RBMS3: variants seen among roughly 807,000 people sequenced by gnomAD.
RBMS3 encodes RNA binding motif single stranded interacting protein 3.
A neutral mutation model predicts 66.8 loss-of-function variants in RBMS3; 27 were observed. The ratio of observed to expected loss-of-function variants is 0.40; its 90% CI spans 0.30 to 0.56. The LOEUF (loss-of-function observed/expected upper bound fraction) is 0.56. Ranked by LOEUF, RBMS3 falls within the 20% of genes least tolerant of loss-of-function variation. The pLI is 0.40. For missense variants in RBMS3, 513 were observed against 549.5 expected, an observed-to-expected ratio of 0.93 and a Z score of 0.66; for synonymous variants, 188 against 183.0, an observed-to-expected ratio of 1.03 and a Z score of -0.22.
intron 1 of RBMS3, among the ~76,000 whole-genome samples, chr3:29,432,163 C>T (rs936491337): frequency 1.1e-4 from 17 of 152,114 alleles, no homozygotes; most frequent in African/African-American, 4.1e-4. Flanking sequence ...AATGGGAATT[C>T]AGAGAAAAGG....
At chr3:29,325,873 C>T (rs374157209) in intron 1 of RBMS3, among the ~76,000 whole-genome samples, 24 of 152,180 alleles carry the variant, frequency 1.6e-4, no homozygotes, top group African/African-American at 5.5e-4. Flanking sequence ...ATCAGGTTGC[C>T]TGGGCTATTA....
chr3:29,395,494 A>G (rs1421537141), intron 1 of RBMS3, among the ~76,000 whole-genome samples: 1 of 152,196 alleles, frequency 6.6e-6, no homozygotes, highest in East Asian at 1.9e-4. Context: ...GAGTTAGTGT[A>G]TGCCAAAATG....
chr3:29,787,819 AC>A (rs1479527094), intron 6 of RBMS3, among the ~76,000 whole-genome samples: 9 of 152,154 alleles, frequency 5.9e-5, no homozygotes, highest in Non-Finnish European at 8.8e-5. Flanking sequence ...ACCATCTGTT[AC>A]CCCAAAACCT....
chr3:29,587,855 T>G (rs1284520107), intron 4 of RBMS3, among the ~76,000 whole-genome samples: 1 of 152,030 alleles, frequency 6.6e-6, no homozygotes, highest in East Asian at 1.9e-4. Context: ...GAATATGTAT[T>G]CTAGAACCTT....
chr3:29,509,049 T>G (rs2044293664), intron 3 of RBMS3, among the ~76,000 whole-genome samples: 1 of 150,090 alleles, frequency 6.7e-6, no homozygotes. Context: ...TGGGGTTGGT[T>G]TTTTTTTTTG....
intron 3 of RBMS3, among the ~76,000 whole-genome samples, chr3:29,584,605 T>G (rs1032194197): frequency 6.6e-6 from 1 of 152,104 alleles, no homozygotes; most frequent in Non-Finnish European, 1.5e-5. Context: ...GTCTTCCCAT[T>G]TCAATAAATT....
intron 1 of RBMS3, among the ~76,000 whole-genome samples, chr3:29,428,643 A>T (rs2041057207): frequency 6.6e-6 from 1 of 152,174 alleles, no homozygotes; most frequent in Non-Finnish European, 1.5e-5. Flanking sequence ...CACAGATTTT[A>T]CAAATGTAGG....
chr3:29,346,685 G>T (rs773423241), intron 1 of RBMS3, among the ~76,000 whole-genome samples: 37 of 152,110 alleles, frequency 2.4e-4, no homozygotes, highest in Non-Finnish European at 4.4e-4. Flanking sequence ...GAGCCACCGC[G>T]CCTGGCCAGC....
At chr3:29,580,472 A>G (rs1166307469) in intron 3 of RBMS3, among the ~76,000 whole-genome samples, 5 of 152,120 alleles carry the variant, frequency 3.3e-5, no homozygotes, top group African/African-American at 1.2e-4. Flanking sequence ...TAAGCCATAC[A>G]TACTATACGG....
At chr3:29,970,654 T>C (rs1032597629) in intron 12 of RBMS3, among the ~76,000 whole-genome samples, 1 of 152,196 alleles carries the variant, frequency 6.6e-6, no homozygotes, top group East Asian at 1.9e-4. Context: ...CTCAATCCCA[T>C]ACCCTTTAGA....
intron 4 of RBMS3, among the ~76,000 whole-genome samples, chr3:29,639,595 G>A (rs2049615001): frequency 7.5e-6 from 1 of 134,152 alleles, no homozygotes; most frequent in Admixed American, 7.5e-5. Context: ...AAGATAGACA[G>A]AGAGAGAGAG....
intron 1 of RBMS3, among the ~76,000 whole-genome samples, chr3:29,416,732 G>A (rs1046583209): frequency 6.6e-5 from 10 of 152,056 alleles, no homozygotes; most frequent in Admixed American, 1.3e-4. Context: ...TGGCAGGAAC[G>A]TGCTGGGCCA....
At chr3:29,739,327 G>T (rs1419272510) in intron 4 of RBMS3, among the ~76,000 whole-genome samples, 1 of 151,872 alleles carries the variant, frequency 6.6e-6, no homozygotes, top group Non-Finnish European at 1.5e-5. Flanking sequence ...GTGGTGGCGG[G>T]CGCCTGTAGT....
At chr3:29,423,451 C>T (rs1258753780) in intron 1 of RBMS3, among the ~76,000 whole-genome samples, 1 of 152,102 alleles carries the variant, frequency 6.6e-6, no homozygotes, top group Non-Finnish European at 1.5e-5. Flanking sequence ...AAAATATAAA[C>T]CTACTTCTTG....
intron 1 of RBMS3, among the ~76,000 whole-genome samples, chr3:29,317,970 TA>T (rs1248315331): frequency 4.0e-5 from 6 of 151,752 alleles, no homozygotes; most frequent in Non-Finnish European, 8.8e-5. Context: ...TATTTTATCT[TA>T]GTTAATTTTT....
intron 10 of RBMS3, among the ~76,000 whole-genome samples, chr3:29,922,896 T>C (rs1363152708): frequency 6.6e-6 from 1 of 152,226 alleles, no homozygotes; most frequent in Non-Finnish European, 1.5e-5. Flanking sequence ...AAGCTGGCGG[T>C]GTAAACATTT....
chr3:29,637,495 T>C lies in RBMS3; in HGVS notation c.399+50290T>C, dbSNP rs1239761080. On this transcript the variant is annotated intron_variant, in intron 4 of 14. Coordinates refer to ENST00000383767, the MANE Select transcript of RBMS3 (RefSeq NM_001003793.3). Reference sequence around the variant, plus strand: ...CTATAACTTGATGCTTCTAAAATAGTCTGATTACAAGACATATGAGCTTAT... The same window carrying C: ...CTATAACTTGATGCTTCTAAAATAGCCTGATTACAAGACATATGAGCTTAT... Among the ~76,000 whole-genome samples, 3 of 151,860 alleles carry C rather than the reference T, an allele frequency of 2.0e-5. No individual in the cohort carries two copies. The South Asian group carries it at 6.2e-4, about 31-fold the overall frequency.
intron 12 of RBMS3, among the ~76,000 whole-genome samples, chr3:29,965,629 T>C (rs907856285): frequency 2.0e-5 from 3 of 152,094 alleles, no homozygotes; most frequent in Non-Finnish European, 4.4e-5. Context: ...TGGATATCGG[T>C]CCTTTGTCAG....
intron 4 of RBMS3, among the ~76,000 whole-genome samples, chr3:29,630,854 C>A (rs1559522571): frequency 6.6e-6 from 1 of 151,872 alleles, no homozygotes; most frequent in African/African-American, 2.4e-5. Flanking sequence ...ACCAAGTTAG[C>A]ATTTGAACAT....
Sources: allele counts gnomAD v4.1 joint callset (sites outside exome capture counted in the v4.1 genomes callset), GRCh38; gene constraint gnomAD v4.1.1; transcripts MANE v1.5; gene names NCBI Gene and HGNC (gene_info 2026-07-23, HGNC 2026-07-21).